The following RAPGEF6 variants were observed in gnomAD, a reference collection of about 807,000 sequenced individuals.
The protein encoded by RAPGEF6 is Rap guanine nucleotide exchange factor 6, also known as PDZ domain containing guanine nucleotide exchange factor (GEF) 2.
In RAPGEF6, 56 loss-of-function variants were observed where a neutral mutation model predicts 171.4. The observed-to-expected ratio is 0.33, with a 90% CI of 0.26 to 0.41. The LOEUF (loss-of-function observed/expected upper bound fraction) is 0.41. RAPGEF6 is among the 10% of genes least tolerant of loss of function. RAPGEF6 has a pLI of 1.00. For synonymous variants in RAPGEF6, 692 were observed against 650.1 expected, an observed-to-expected ratio of 1.06 and a Z score of -0.98; for missense variants, 1,674 against 1,921.4, an observed-to-expected ratio of 0.87 and a Z score of 2.41.
intron 4 of RAPGEF6, among the ~76,000 whole-genome samples, chr5:131,581,081 C>T (rs1762931729): frequency 6.6e-6 from 1 of 152,228 alleles, no homozygotes; most frequent in Non-Finnish European, 1.5e-5. Context: ...AATGACTTCT[C>T]TGCTAGCATT....
chr5:131,524,699 T>A (rs888802099), intron 6 of RAPGEF6, among the ~76,000 whole-genome samples: 2 of 152,000 alleles, frequency 1.3e-5, no homozygotes, highest in Non-Finnish European at 2.9e-5. Context: ...CACTGCAACC[T>A]CTGCCTCCTG....
At chr5:131,613,407 GTGTC>G (rs945018618) in intron 1 of RAPGEF6, among the ~76,000 whole-genome samples, 27 of 151,536 alleles carry the variant, frequency 1.8e-4, no homozygotes, top group African/African-American at 5.8e-4. Flanking sequence ...GAGACTCCGT[GTGTC>G]TGTCTGTCTG....
At position 131,429,208 on chromosome 5, in the gene RAPGEF6, C is replaced by T. The variant is rs779550489; in HGVS notation, c.4474G>A (p.Val1492Ile). Residue 1492 changes from valine (V) to isoleucine (I), a missense_variant, in exon 27 of 28, where the codon GTC becomes ATC. Val to Ile is a conservative substitution (Grantham distance 29). Coordinates refer to ENST00000509018, the MANE Select transcript of RAPGEF6 (RefSeq NM_016340.6). ...STEKGLIVYCVTSPKKDDRYR... is the reference protein window; with the variant it reads ...STEKGLIVYCITSPKKDDRYR... ...CTATCGTCCTTCTTGGGTGAGGTGA[C>T]ACAGTACACTGGCATGAAAAATAAG... 7 of 1,603,352 alleles carry T rather than the reference C, an allele frequency of 4.4e-6. No homozygotes were observed. The highest frequency in any genetic ancestry group is 6.0e-6 in the Non-Finnish European group (7 of 1,172,054).
At chr5:131,477,229 A>C (rs535629970) in intron 16 of RAPGEF6, among the ~76,000 whole-genome samples, 31 of 152,330 alleles carry the variant, frequency 2.0e-4, no homozygotes, top group African/African-American at 3.8e-4. Flanking sequence ...CAGCTCTCCC[A>C]ACAAAATAGG....
At chr5:131,607,480 A>G (rs1389169917) in intron 1 of RAPGEF6, among the ~76,000 whole-genome samples, 1 of 152,226 alleles carries the variant, frequency 6.6e-6, no homozygotes, top group Non-Finnish European at 1.5e-5. Context: ...CATTCCAATT[A>G]GAAGATCAGA....
rs767703996 is a variant in RAPGEF6, at chr5:131,489,691, C to T, written c.1732-37G>A. On this transcript the variant is annotated intron_variant, in intron 14 of 27. Transcript: ENST00000509018. ...TTAAAAAATACAAATTAATACAGAA[C>T]AGTATTAGTTACTCCTACAACCTTA... 2.7e-5 allele frequency: 32 copies of T among 1,188,680 alleles called. No individual in the cohort carries two copies. In the South Asian group the frequency reaches 4.1e-4, roughly 15 times the overall value. The allele number at this position is 1,188,680 out of a possible 1,614,324, so 73.6% of individuals were successfully genotyped here.
At position 131,425,439 on chromosome 5, in the gene RAPGEF6, GT is replaced by G. The variant is rs1380388009; in HGVS notation, c.*1826del. 2 of 152,292 alleles carry G rather than the reference GT, an allele frequency of 1.3e-5. No individual in the cohort carries two copies. The highest frequency in any genetic ancestry group is 6.5e-5 in the Admixed American group (1 of 15,278). The allele number at this position is 152,292 out of a possible 1,614,324, so 9.4% of individuals were successfully genotyped here. Reference sequence around the variant, plus strand: ...AAAAATGTATAATCATAGGACCACTGTTTATAGGCCAAATCACTGAAGTGTA... The same window carrying G: ...AAAAATGTATAATCATAGGACCACTGTTATAGGCCAAATCACTGAAGTGTA... On this transcript the variant is annotated 3_prime_UTR_variant, in exon 28 of 28. Coordinates refer to ENST00000509018, the MANE Select transcript of RAPGEF6 (RefSeq NM_016340.6).
chr5:131,487,174 G>T (rs561861773), intron 15 of RAPGEF6, among the ~76,000 whole-genome samples: 1 of 152,136 alleles, frequency 6.6e-6, no homozygotes, highest in Non-Finnish European at 1.5e-5. Context: ...TCTTCCTTCC[G>T]GTGGGTTCAT....
chr5:131,515,916 A>G (rs891707205), intron 7 of RAPGEF6, among the ~76,000 whole-genome samples: 1 of 152,172 alleles, frequency 6.6e-6, no homozygotes. Flanking sequence ...TGTAATTTAG[A>G]TAACAGTGAA....
chr5:131,577,675 G>A (rs1342453713), intron 4 of RAPGEF6, among the ~76,000 whole-genome samples: 1 of 152,080 alleles, frequency 6.6e-6, no homozygotes, highest in Non-Finnish European at 1.5e-5. Flanking sequence ...GTCATCTACA[G>A]TACCCTAACT....
intron 6 of RAPGEF6, among the ~76,000 whole-genome samples, chr5:131,540,489 G>A (rs1398206788): frequency 6.6e-5 from 10 of 152,174 alleles, no homozygotes; most frequent in Admixed American, 6.5e-4. Context: ...TAGAGCCCAG[G>A]AGTTTGAGCT....
At chr5:131,441,550 C>T (rs1752385130) in intron 23 of RAPGEF6, among the ~76,000 whole-genome samples, 1 of 152,174 alleles carries the variant, frequency 6.6e-6, no homozygotes, top group Non-Finnish European at 1.5e-5. Flanking sequence ...TATCTTACCT[C>T]TGTCTAAGTT....
At chr5:131,602,297 C>T (rs1280266097) in intron 3 of RAPGEF6, among the ~76,000 whole-genome samples, 1 of 152,006 alleles carries the variant, frequency 6.6e-6, no homozygotes, top group Non-Finnish European at 1.5e-5. Context: ...CGGCATGTTA[C>T]TCTACTGAAT....
chr5:131,615,219 G>A (rs1353404151), intron 1 of RAPGEF6, among the ~76,000 whole-genome samples: 1 of 152,170 alleles, frequency 6.6e-6, no homozygotes, highest in Non-Finnish European at 1.5e-5. Context: ...CTTTCTTTGT[G>A]TACCTAGTTT....
intron 23 of RAPGEF6, chr5:131,440,334 G>A: frequency 2.3e-6 from 1 of 430,496 alleles, no homozygotes; most frequent in Non-Finnish European, 4.6e-6. Context: ...CTTGTCCAAT[G>A]TCTGGTCTGT....
chr5:131,541,139 G>C (rs569187590), intron 6 of RAPGEF6, among the ~76,000 whole-genome samples: 1 of 152,046 alleles, frequency 6.6e-6, no homozygotes, highest in South Asian at 2.1e-4. Context: ...GAATAATATG[G>C]GCACACTTCA....
chr5:131,438,180 G>T (rs1752141934), intron 24 of RAPGEF6, among the ~76,000 whole-genome samples: 3 of 152,092 alleles, frequency 2.0e-5, no homozygotes, highest in African/African-American at 7.2e-5. Flanking sequence ...TAATAGAGAT[G>T]GGTTTCACCA....
At chr5:131,536,969 C>T (rs1759819271) in intron 6 of RAPGEF6, among the ~76,000 whole-genome samples, 1 of 152,096 alleles carries the variant, frequency 6.6e-6, no homozygotes. Flanking sequence ...CTTTTAAATA[C>T]TACATTTTCT....
Position 131,635,202 on chromosome 5 carries a change from C to T in RAPGEF6, c.-172G>A. 1 of 635,330 alleles carries T rather than the reference C, an allele frequency of 1.6e-6. No homozygotes were observed. Among genetic ancestry groups the T allele is most frequent in the Non-Finnish European group, 2.6e-6 (1 of 385,222 alleles). 39.4% of individuals were successfully genotyped at this position (635,330 alleles called of 1,614,324 possible). A position where few individuals can be genotyped will look rare whatever the true frequency, so the allele number is the denominator to read the frequency against. On this transcript the variant is annotated 5_prime_UTR_variant, in exon 1 of 28. Coordinates refer to ENST00000509018, the MANE Select transcript of RAPGEF6 (RefSeq NM_016340.6). The stretch of plus-strand genomic sequence containing the variant: ...CGCAACGCCCGCCTAAGGCCTCTAC[C>T]CACGCGCGACTGGCCGGAGACAAGT...
Sources: gnomAD v4.1 joint callset for allele counts (sites outside exome capture counted in the v4.1 genomes callset) on GRCh38, gnomAD v4.1.1 for gene constraint, MANE v1.5 for transcripts, NCBI Gene and HGNC (gene_info 2026-07-23, HGNC 2026-07-21) for gene names.